Variants in FRY observed in about 807,000 individuals in gnomAD.
FRY encodes protein furry homolog.
FRY carries 128 observed loss-of-function variants against 348.4 expected under a neutral mutation model. The observed-to-expected ratio is 0.37, with a 90% CI of 0.32 to 0.43. The LOEUF is 0.43. FRY is among the 20% of genes least tolerant of loss of function. FRY has a pLI of 1.00. For missense variants in FRY, 2,736 were observed against 3,695.2 expected (o/e 0.74, Z 6.73); for synonymous variants, 1,370 against 1,374.7 (o/e 1.00, Z 0.08).
At position 32,244,185 on chromosome 13, in the gene FRY, G is replaced by T; in HGVS notation, c.6828+3G>T. On this transcript the variant is annotated splice_donor_region_variant and intron_variant, in intron 47 of 60. Coordinates refer to ENST00000542859, the MANE Select transcript of FRY (RefSeq NM_023037.3). The stretch of plus-strand genomic sequence containing the variant: ...AGACAATTGAAAAATATGTGCAAGT[G>T]AGTACTTGGATAACTTCACTAAGCA... 1 of 1,612,262 alleles carries T rather than the reference G, an allele frequency of 6.2e-7. No individual in the cohort carries two copies. Among genetic ancestry groups the T allele is most frequent in the East Asian group, 2.2e-5 (1 of 44,856 alleles).
At chr13:32,165,409 G>A (rs1881679492) in intron 17 of FRY, among the ~76,000 whole-genome samples, 1 of 152,198 alleles carries the variant, frequency 6.6e-6, no homozygotes, top group Non-Finnish European at 1.5e-5. Flanking sequence ...TCATATTTCT[G>A]TATTTTAATT....
Position 32,237,676 on chromosome 13 carries a change from T to C in FRY, c.6108T>C (p.His2036=), listed in dbSNP as rs748359432. 2.5e-6 allele frequency: 4 copies of C among 1,613,938 alleles called. No individual in the cohort carries two copies. The African/African-American group carries it at 5.3e-5, about 22-fold the overall frequency. ...TCACGGACCCATCCCACATAAACCA[T>C]CCCACCAACCTGCTGGCCACCATAT... is the stretch of plus-strand genomic sequence containing the variant. ...DSLTDPSHIN[H]PTNLLATIFW... is the part of the protein sequence containing the mutation. The change falls in exon 44 of 61, where the codon CAT becomes CAC. Residue 2036 remains histidine (H), a synonymous_variant. Transcript: ENST00000542859. The surrounding 1 kb of genome is among the most constrained non-coding windows in gnomAD (Gnocchi z 6.3).
At chr13:32,244,503 GAGA>G (rs1204259391) in intron 47 of FRY, among the ~76,000 whole-genome samples, 2 of 152,190 alleles carry the variant, frequency 1.3e-5, no homozygotes, top group South Asian at 2.1e-4. Flanking sequence ...TCCCGTTTCA[GAGA>G]AGGAGAGGGG....
intron 58 of FRY, among the ~76,000 whole-genome samples, chr13:32,283,814 A>T (rs1888927069): frequency 6.6e-6 from 1 of 152,236 alleles, no homozygotes; most frequent in South Asian, 2.1e-4. Context: ...ACACTGCTTT[A>T]GTAGTGTTTT....
intron 53 of FRY, among the ~76,000 whole-genome samples, chr13:32,264,565 G>A (rs1256277449): frequency 6.6e-6 from 1 of 152,022 alleles, no homozygotes; most frequent in African/African-American, 2.4e-5. Flanking sequence ...TAATCCAGTT[G>A]CCTTCCTTCC....
chr13:32,287,956 AC>A, intron 58 of FRY: 1 of 564,764 alleles, frequency 1.8e-6, no homozygotes, highest in Non-Finnish European at 2.9e-6. Flanking sequence ...TTTTACCGTT[AC>A]TGTTACATCT....
At chr13:32,198,369 C>T (rs1883811052) in intron 29 of FRY, among the ~76,000 whole-genome samples, 1 of 152,170 alleles carries the variant, frequency 6.6e-6, no homozygotes, top group South Asian at 2.1e-4. Flanking sequence ...ATCTCTGCTA[C>T]TATAACACTC....
chr13:32,142,574 T>C lies in FRY; in HGVS notation c.1180-4708T>C, dbSNP rs547154249. Among the ~76,000 whole-genome samples the C allele has an allele frequency of 2.6e-5, 4 of 150,948 alleles. No homozygotes were observed. The South Asian group carries it at 8.8e-4, about 33-fold the overall frequency. On this transcript the variant is annotated intron_variant, in intron 11 of 60. Coordinates refer to ENST00000542859, the MANE Select transcript of FRY (RefSeq NM_023037.3). ...TTCCCTCATTTATAAAATCCTTCAATTGACATCTTGTTATGTGAAAGCACA... is the reference window on the plus strand; with the variant it reads ...TTCCCTCATTTATAAAATCCTTCAACTGACATCTTGTTATGTGAAAGCACA...
At position 32,173,414 on chromosome 13, in the gene FRY, C is replaced by G; in HGVS notation, c.2199C>G (p.Pro733=). Residue 733 remains proline (P), a synonymous_variant, in exon 19 of 61, where the codon CCC becomes CCG. Coordinates refer to ENST00000542859, the MANE Select transcript of FRY (RefSeq NM_023037.3). ...ACAGAATTCAGTCGGAACGAGGTCC[C>G]CACTGCAGTGTACTCCACGCTGTAG... ...SSHRIQSERG[P]HCSVLHAVEG... 1 of 1,612,546 alleles carries G rather than the reference C, an allele frequency of 6.2e-7. No homozygotes were observed. The highest frequency in any genetic ancestry group is 8.5e-7 in the Non-Finnish European group (1 of 1,179,846).
intron 11 of FRY, among the ~76,000 whole-genome samples, chr13:32,139,937 A>C (rs1179277265): frequency 3.3e-5 from 5 of 152,138 alleles, no homozygotes; most frequent in African/African-American, 1.2e-4. Context: ...ATGAGAAAAA[A>C]ATTAAAAATT....
At chr13:32,049,059 A>G (rs1873182126) in intron 1 of FRY, among the ~76,000 whole-genome samples, 1 of 152,216 alleles carries the variant, frequency 6.6e-6, no homozygotes, top group Non-Finnish European at 1.5e-5. Flanking sequence ...AGGAAGTTGC[A>G]AGAGAACAGA....
chr13:32,254,535 T>C (rs1214606949), intron 51 of FRY, 141 bp downstream of exon 51: 1 of 940,522 alleles, frequency 1.1e-6, no homozygotes, highest in Non-Finnish European at 1.7e-6. Context: ...AATCAACTTA[T>C]TCAAAGTACA....
At chr13:32,179,951 G>A in intron 23 of FRY, 152 bp downstream of exon 23, 1 of 764,812 alleles carries the variant, frequency 1.3e-6, no homozygotes, top group Admixed American at 2.0e-5. Context: ...TGGTTGATGT[G>A]CATGTAACAA....
chr13:32,233,006 A>G (rs540545927), intron 41 of FRY, among the ~76,000 whole-genome samples: 1 of 135,702 alleles, frequency 7.4e-6, no homozygotes, highest in South Asian at 2.7e-4. Flanking sequence ...TTCCACATAT[A>G]AAAAAAAATA....
intron 2 of FRY, among the ~76,000 whole-genome samples, chr13:32,082,841 A>C (rs939425640): frequency 2.0e-5 from 3 of 151,864 alleles, no homozygotes; most frequent in Non-Finnish European, 4.4e-5. Context: ...TGGGTTCTTT[A>C]CTTTTTTCCC....
chr13:32,054,962 A>G (rs1179503624), intron 1 of FRY, among the ~76,000 whole-genome samples: 1 of 152,184 alleles, frequency 6.6e-6, no homozygotes, highest in Non-Finnish European at 1.5e-5. Flanking sequence ...CTTTTGGTTA[A>G]CTTCCTGATT....
chr13:32,141,629 G>T (rs1880077765), intron 11 of FRY, among the ~76,000 whole-genome samples: 1 of 152,194 alleles, frequency 6.6e-6, no homozygotes, highest in African/African-American at 2.4e-5. Context: ...ATATTTATAA[G>T]CAGCACAGGT....
chr13:32,165,293 T>C (rs1015726578), intron 17 of FRY, among the ~76,000 whole-genome samples: 1 of 152,252 alleles, frequency 6.6e-6, no homozygotes, highest in African/African-American at 2.4e-5. Flanking sequence ...TTTATTCTGC[T>C]TTCCCTTTTC....
chr13:32,070,416 G>C (rs142082116), intron 1 of FRY, among the ~76,000 whole-genome samples: 1 of 152,130 alleles, frequency 6.6e-6, no homozygotes, highest in Admixed American at 6.5e-5. Flanking sequence ...ATTCTAACTG[G>C]CATGAGATGG....
Sources: gnomAD v4.1 joint callset for allele counts (sites outside exome capture counted in the v4.1 genomes callset) on GRCh38, gnomAD v4.1.1 for gene constraint, Gnocchi (gnomAD v3.1) non-coding constraint, MANE v1.5 for transcripts, NCBI Gene and HGNC (gene_info 2026-07-23, HGNC 2026-07-21) for gene names.